Variants in SHISA6 observed in about 807,000 individuals in gnomAD.
SHISA6 encodes protein shisa-6.
Under a neutral mutation model 47.9 loss-of-function variants are expected in SHISA6, and 22 were observed. That is an observed-to-expected ratio of 0.46 (90% CI 0.33 to 0.66). The LOEUF is 0.66. SHISA6 is among the 30% of genes least tolerant of loss of function. The probability of loss-of-function intolerance (pLI) is 0.02; values close to 1 mark genes in which losing one functional copy is unlikely to be tolerated. For synonymous variants in SHISA6, 388 were observed against 337.8 expected (o/e 1.15, Z -1.63); for missense variants, 680 against 764.6 (o/e 0.89, Z 1.30).
rs1017048063 is a variant in SHISA6, at chr17:11,562,421, T to C, written c.*4117T>C. The C allele has an allele frequency of 6.6e-6, 1 of 152,100 alleles. No homozygotes were observed. Among genetic ancestry groups the C allele is most frequent in the South Asian group, 2.1e-4 (1 of 4,826 alleles). The allele number at this position is 152,100 out of a possible 1,614,324, so 9.4% of individuals were successfully genotyped here. ...CCTGTCCGAATCTGGGAAATTTTGC[T>C]CTGGAGTATTTTCAAGAAAGCGCAT... On this transcript the variant is annotated 3_prime_UTR_variant, in exon 6 of 6. Transcript: ENST00000441885.
At chr17:11,413,188 C>T (rs1259402971) in intron 3 of SHISA6, among the ~76,000 whole-genome samples, 17 of 152,206 alleles carry the variant, frequency 1.1e-4, no homozygotes, top group Admixed American at 1.1e-3. Context: ...CTCCTTCCGG[C>T]ATGTCATTCT....
At chr17:11,248,302 G>A (rs1246457082) in intron 1 of SHISA6, among the ~76,000 whole-genome samples, 1 of 152,086 alleles carries the variant, frequency 6.6e-6, no homozygotes. Context: ...ATCTATTACA[G>A]AATTATAACG....
At chr17:11,274,426 C>G (rs1443535059) in intron 2 of SHISA6, among the ~76,000 whole-genome samples, 1 of 152,182 alleles carries the variant, frequency 6.6e-6, no homozygotes, top group Non-Finnish European at 1.5e-5. Context: ...GGTGCAGTGA[C>G]AGGAGCGAGA....
At chr17:11,249,092 C>T (rs575087893) in intron 1 of SHISA6, among the ~76,000 whole-genome samples, 3 of 149,156 alleles carry the variant, frequency 2.0e-5, no homozygotes, top group Admixed American at 1.3e-4. Flanking sequence ...GAGCCGAGAT[C>T]GCGCCACTGC....
intron 1 of SHISA6, among the ~76,000 whole-genome samples, chr17:11,244,465 C>A (rs1386497661): frequency 1.3e-5 from 2 of 152,238 alleles, no homozygotes; most frequent in East Asian, 3.9e-4. Flanking sequence ...CTTCTTGCTT[C>A]CGGGGCACGT....
intron 3 of SHISA6, among the ~76,000 whole-genome samples, chr17:11,542,916 A>G (rs934616708): frequency 6.6e-6 from 1 of 152,138 alleles, no homozygotes; most frequent in Non-Finnish European, 1.5e-5. Flanking sequence ...GCCACTGTGT[A>G]AAGAATAGTG....
At chr17:11,468,190 T>C (rs1295803512) in intron 3 of SHISA6, among the ~76,000 whole-genome samples, 1 of 151,624 alleles carries the variant, frequency 6.6e-6, no homozygotes, top group Non-Finnish European at 1.5e-5. Context: ...AGGCCAACTT[T>C]CTCCTTGAAA....
chr17:11,344,399 A>G (rs1010626205), intron 2 of SHISA6, among the ~76,000 whole-genome samples: 2 of 152,196 alleles, frequency 1.3e-5, no homozygotes, highest in Non-Finnish European at 2.9e-5. Flanking sequence ...GTCTTTGCCT[A>G]CTACTCCAAG....
chr17:11,540,292 G>A, intron 3 of SHISA6, among the ~76,000 whole-genome samples: 1 of 152,188 alleles, frequency 6.6e-6, no homozygotes, highest in African/African-American at 2.4e-5. Flanking sequence ...TGTGGCTGCT[G>A]GTTGGGTTTG....
chr17:11,310,770 C>T (rs1275964640), intron 2 of SHISA6, among the ~76,000 whole-genome samples: 1 of 151,928 alleles, frequency 6.6e-6, no homozygotes, highest in African/African-American at 2.4e-5. Flanking sequence ...GTCAGGAGTT[C>T]GAGACCAACC....
intron 3 of SHISA6, among the ~76,000 whole-genome samples, chr17:11,486,513 G>T (rs1270039722): frequency 2.0e-5 from 3 of 152,188 alleles, no homozygotes; most frequent in Non-Finnish European, 4.4e-5. Flanking sequence ...AGAGCAAGGA[G>T]TTGAATAAGT....
intron 1 of SHISA6, among the ~76,000 whole-genome samples, chr17:11,251,555 A>G (rs1412390061): frequency 6.6e-6 from 1 of 152,056 alleles, no homozygotes; most frequent in Non-Finnish European, 1.5e-5. Flanking sequence ...GTATGGACCT[A>G]GGGATATTTC....
intron 3 of SHISA6, among the ~76,000 whole-genome samples, chr17:11,476,760 A>T (rs1916061235): frequency 6.6e-6 from 1 of 152,112 alleles, no homozygotes; most frequent in Non-Finnish European, 1.5e-5. Flanking sequence ...TAATCTGTAG[A>T]TGCAATTACA....
chr17:11,277,280 T>TGTCTCTCTCTCACA (rs1908948669), intron 2 of SHISA6, among the ~76,000 whole-genome samples: 2 of 53,930 alleles, frequency 3.7e-5, no homozygotes, highest in Non-Finnish European at 3.4e-5. Context: ...TCTCTCTCTC[T>TGTCTCTCTCTCACA]CACACACACA....
chr17:11,361,873 G>C (rs988072264), intron 2 of SHISA6, among the ~76,000 whole-genome samples: 1 of 152,142 alleles, frequency 6.6e-6, no homozygotes, highest in Admixed American at 6.5e-5. Flanking sequence ...AACAGAGGCG[G>C]AATTCTATCG....
intron 3 of SHISA6, among the ~76,000 whole-genome samples, chr17:11,403,170 T>C (rs937699820): frequency 2.0e-5 from 3 of 152,226 alleles, no homozygotes; most frequent in Admixed American, 2.0e-4. Context: ...TTCCCCTTAC[T>C]TTAGTGAGAA....
chr17:11,479,006 TGAAAATGGCCATACTGCCC>T (rs1483627974), intron 3 of SHISA6, among the ~76,000 whole-genome samples: 4 of 152,134 alleles, frequency 2.6e-5, no homozygotes, highest in African/African-American at 4.8e-5. Context: ...ATCAATATCG[TGAAAATGGCCATACTGCCC>T]AAGGTAATTT....
chr17:11,321,862 T>G (rs115118434), intron 2 of SHISA6, among the ~76,000 whole-genome samples: 3 of 152,054 alleles, frequency 2.0e-5, no homozygotes, highest in Non-Finnish European at 4.4e-5. Flanking sequence ...ACATTGAGAG[T>G]TTTTTGTAAT....
At chr17:11,488,427 A>T (rs1405237261) in intron 3 of SHISA6, among the ~76,000 whole-genome samples, 1 of 152,132 alleles carries the variant, frequency 6.6e-6, no homozygotes, top group Non-Finnish European at 1.5e-5. Context: ...TTGCTGTTTC[A>T]CTATTCTGCC....
Sources: allele counts gnomAD v4.1 joint callset (sites outside exome capture counted in the v4.1 genomes callset), GRCh38; gene constraint gnomAD v4.1.1; transcripts MANE v1.5; gene names NCBI Gene and HGNC (gene_info 2026-07-23, HGNC 2026-07-21).